The following KCTD3 variants were observed in gnomAD, a reference collection of about 807,000 sequenced individuals.
KCTD3 encodes the protein BTB/POZ domain-containing protein KCTD3.
A neutral mutation model predicts 85.8 loss-of-function variants in KCTD3; 41 were observed. The observed-to-expected ratio is 0.48, with a 90% CI of 0.37 to 0.62. KCTD3 has a LOEUF of 0.62. Among genes scored for constraint, KCTD3 ranks in the 20% least tolerant of loss-of-function variants. The pLI is 0.00. For synonymous variants in KCTD3, 338 were observed against 345.4 expected (o/e 0.98, Z 0.24); for missense variants, 724 against 989.9 (o/e 0.73, Z 3.60).
chr1:215,585,365 A>G (rs921157343), intron 8 of KCTD3, among the ~76,000 whole-genome samples: 1 of 152,320 alleles, frequency 6.6e-6, no homozygotes, highest in South Asian at 2.1e-4. Flanking sequence ...TAGTTCTTCA[A>G]ATTAATATGC....
chr1:215,576,237 T>G (rs923154504), intron 4 of KCTD3, among the ~76,000 whole-genome samples: 1 of 151,748 alleles, frequency 6.6e-6, no homozygotes, highest in Non-Finnish European at 1.5e-5. Context: ...CCCGGCTGAT[T>G]TTTTGTATTT....
At chr1:215,609,545 A>G (rs112162610) in intron 14 of KCTD3, among the ~76,000 whole-genome samples, 218 of 152,074 alleles carry the variant, frequency 1.4e-3, no homozygotes, top group African/African-American at 5.0e-3. Flanking sequence ...TGTGATATAT[A>G]TAATTCATCT....
chr1:215,596,166 T>TG (rs1269006810), intron 10 of KCTD3, among the ~76,000 whole-genome samples: 2 of 152,118 alleles, frequency 1.3e-5, no homozygotes, highest in African/African-American at 4.8e-5. Flanking sequence ...GGAAGAGAAA[T>TG]GTATTTCTAA....
At chr1:215,603,001 T>C (rs1654892517) in intron 12 of KCTD3, among the ~76,000 whole-genome samples, 1 of 152,202 alleles carries the variant, frequency 6.6e-6, no homozygotes, top group Admixed American at 6.6e-5. Context: ...CTGGCTCTTT[T>C]TGATACCACT....
chr1:215,608,023 C>G lies in KCTD3; in HGVS notation c.1316C>G (p.Ala439Gly). Residue 439 changes from alanine (A) to glycine (G), a missense_variant, in exon 14 of 18, where the codon GCA becomes GGA. This residue lies in a region of KCTD3 where 146 missense variants were observed against 320.3 expected (regional missense o/e 0.46). Transcript: ENST00000259154. ...LSEKHLVSVC[A>G]DNNHVRTWTV... is the part of the protein sequence containing the mutation. ...TGTTCTCTTTCTCTGCTAGTCTGTG[C>G]AGATAATAATCATGTCCGGACGTGG... 1 of 1,603,684 alleles carries G rather than the reference C, an allele frequency of 6.2e-7. No homozygotes were observed. The highest frequency in any genetic ancestry group is 8.5e-7 in the Non-Finnish European group (1 of 1,176,322).
intron 9 of KCTD3, among the ~76,000 whole-genome samples, chr1:215,591,244 A>G (rs1167860750): frequency 6.6e-6 from 1 of 150,972 alleles, no homozygotes; most frequent in Admixed American, 6.6e-5. Flanking sequence ...CTTAGTCCTA[A>G]AGCAGCCTTT....
chr1:215,570,273 A>G (rs1659311702), intron 1 of KCTD3, among the ~76,000 whole-genome samples: 1 of 151,942 alleles, frequency 6.6e-6, no homozygotes, highest in East Asian at 1.9e-4. Context: ...GAAAATGGAT[A>G]TACTCAAAGG....
chr1:215,573,908 G>A, intron 2 of KCTD3, 69 bp downstream of exon 2: 1 of 1,118,808 alleles, frequency 8.9e-7, no homozygotes, highest in Non-Finnish European at 1.3e-6. Flanking sequence ...ATGTTTGTCA[G>A]TTAAATTTTT....
At chr1:215,617,885 G>A (rs561611140) in intron 15 of KCTD3, among the ~76,000 whole-genome samples, 1 of 147,276 alleles carries the variant, frequency 6.8e-6, no homozygotes, top group South Asian at 2.1e-4. Context: ...TAATATATAT[G>A]TATATCTTCT....
chr1:215,617,578 TGATTATTTTGAGGTGAAAACATTAGA>T (rs2102608768), intron 15 of KCTD3, among the ~76,000 whole-genome samples: 1 of 151,856 alleles, frequency 6.6e-6, no homozygotes, highest in African/African-American at 2.4e-5. Flanking sequence ...ATTGGTATAT[TGATTATTTTGAGGTGAAAACATTAGA>T]GAAATTGTCA....
At chr1:215,587,482 A>G (rs998066184) in intron 9 of KCTD3, among the ~76,000 whole-genome samples, 4 of 152,200 alleles carry the variant, frequency 2.6e-5, no homozygotes, top group Non-Finnish European at 5.9e-5. Flanking sequence ...TAAAATGGAA[A>G]TTTTTATAAA....
At position 215,591,270 on chromosome 1, in the gene KCTD3, C is replaced by G. The variant is rs1321955020; in HGVS notation, c.818-4086C>G. Among the ~76,000 whole-genome samples, 3 of 150,742 alleles carry G rather than the reference C, an allele frequency of 2.0e-5. No individual in the cohort carries two copies. The East Asian group carries it at 5.9e-4, about 30-fold the overall frequency. ...AGCAGCCTTTCTTTCTTTTCTTTCTCTCTCTCTCCTTCCTTCTTTCCTTCC... is the reference window on the plus strand; with the variant it reads ...AGCAGCCTTTCTTTCTTTTCTTTCTGTCTCTCTCCTTCCTTCTTTCCTTCC... On this transcript the variant is annotated intron_variant, in intron 9 of 17. Coordinates refer to ENST00000259154, the MANE Select transcript of KCTD3 (RefSeq NM_016121.5).
At chr1:215,582,918 A>G (rs1365948462) in intron 8 of KCTD3, among the ~76,000 whole-genome samples, 2 of 152,194 alleles carry the variant, frequency 1.3e-5, no homozygotes, top group Non-Finnish European at 2.9e-5. Flanking sequence ...GCAAATATGT[A>G]CCTTCTTTGT....
intron 10 of KCTD3, among the ~76,000 whole-genome samples, chr1:215,600,657 AAAGTACTTAAATGTT>A (rs1455675115): frequency 1.3e-5 from 2 of 152,256 alleles, no homozygotes; most frequent in Middle Eastern, 3.2e-3. Flanking sequence ...TGGTACATAA[AAAGTACTTAAATGTT>A]AAGCAGATAA....
At chr1:215,575,203 G>C (rs1659528035) in intron 3 of KCTD3, among the ~76,000 whole-genome samples, 1 of 152,134 alleles carries the variant, frequency 6.6e-6, no homozygotes, top group Non-Finnish European at 1.5e-5. Context: ...AGTGAGCCCA[G>C]ATCGTGCCAC....
At chr1:215,570,082 C>T (rs551816281) in intron 1 of KCTD3, among the ~76,000 whole-genome samples, 3 of 152,264 alleles carry the variant, frequency 2.0e-5, no homozygotes, top group East Asian at 3.9e-4. Context: ...AACATAGTCA[C>T]TTAAGCCACT....
In KCTD3 at chr1:215,567,863, GCGTGGGAGGCCAAGCCTGGAGGGGAA is replaced by G. The variant is rs1275459891; in HGVS notation, c.83+102_83+127del. 5.7e-5 allele frequency: 49 copies of G among 866,108 alleles called. 1 individual carries two copies. In the Admixed American group the frequency reaches 9.5e-4, roughly 17 times the overall value. 53.7% of individuals were successfully genotyped at this position (866,108 alleles called of 1,614,324 possible). ...CCGAGAGTCGCAGGAACGAGGGCGA[GCGTGGGAGGCCAAGCCTGGAGGGGAA>G]CGTGGGGGCCTCCAGGCGGCAAGAA... On this transcript the variant is annotated intron_variant, in intron 1 of 17. Transcript: ENST00000259154.
At chr1:215,588,094 G>A (rs1336416593) in intron 9 of KCTD3, among the ~76,000 whole-genome samples, 2 of 152,092 alleles carry the variant, frequency 1.3e-5, no homozygotes, top group African/African-American at 4.8e-5. Context: ...TAACATCAGT[G>A]GTTTTCCTTT....
In KCTD3 at chr1:215,620,135, A is replaced by G; in HGVS notation, c.1965A>G (p.Leu655=). ...GSMRPYRESP[L]LARARRTESF... ...TGAGGCCTTACAGAGAAAGTCCTTT[A>G]TTAGCAAGGGCAAGAAGGACTGAGA... Residue 655 remains leucine (L), a synonymous_variant, in exon 18 of 18, where the codon TTA becomes TTG. Coordinates refer to ENST00000259154, the MANE Select transcript of KCTD3 (RefSeq NM_016121.5). 10 of 1,613,588 alleles carry G rather than the reference A, an allele frequency of 6.2e-6. No individual in the cohort carries two copies. Among genetic ancestry groups the G allele is most frequent in the Non-Finnish European group, 8.5e-6 (10 of 1,179,622 alleles).
Sources: allele counts gnomAD v4.1 joint callset (sites outside exome capture counted in the v4.1 genomes callset), GRCh38; gene constraint gnomAD v4.1.1; regional missense constraint gnomAD v4.1.1; transcripts MANE v1.5; gene names NCBI Gene and HGNC (gene_info 2026-07-23, HGNC 2026-07-21).